Variants in MICU1 observed in about 807,000 individuals in gnomAD.
MICU1 encodes the protein calcium uptake protein 1, mitochondrial.
A neutral mutation model predicts 56.8 loss-of-function variants in MICU1; 45 were observed. The observed-to-expected ratio is 0.79, with a 90% CI of 0.62 to 1.02. The LOEUF (loss-of-function observed/expected upper bound fraction) is 1.02, where lower values mean the gene tolerates loss of function less well. Ranked by LOEUF, MICU1 falls within the 50% of genes least tolerant of loss-of-function variation. MICU1 has a pLI of 0.00. For missense variants in MICU1, 504 were observed against 587.1 expected (o/e 0.86, Z 1.46); for synonymous variants, 186 against 195.1 (o/e 0.95, Z 0.39).
intron 1 of MICU1, among the ~76,000 whole-genome samples, chr10:72,597,559 T>A (rs977029010): frequency 6.6e-6 from 1 of 152,182 alleles, no homozygotes; most frequent in Non-Finnish European, 1.5e-5. Context: ...TAATGAGATA[T>A]CTTAGGAATA....
chr10:72,520,995 T>G (rs774150704), intron 5 of MICU1, among the ~76,000 whole-genome samples: 2 of 152,132 alleles, frequency 1.3e-5, no homozygotes, highest in African/African-American at 4.8e-5. Flanking sequence ...AAGAATTTAA[T>G]TTTGAACTTT....
At chr10:72,496,080 C>A (rs553161552) in intron 6 of MICU1, among the ~76,000 whole-genome samples, 28 of 151,964 alleles carry the variant, frequency 1.8e-4, no homozygotes, top group Non-Finnish European at 3.8e-4. Context: ...GATCCTCCCA[C>A]CTCAGCCTCG....
intron 3 of MICU1, among the ~76,000 whole-genome samples, chr10:72,553,706 TAAG>T (rs1349445555): frequency 6.6e-6 from 1 of 152,150 alleles, no homozygotes; most frequent in African/African-American, 2.4e-5. Context: ...GGTAAAAAAA[TAAG>T]AACTTAAAAA....
intron 10 of MICU1, among the ~76,000 whole-genome samples, chr10:72,381,568 G>T (rs1336708763): frequency 6.6e-6 from 1 of 152,176 alleles, no homozygotes; most frequent in African/African-American, 2.4e-5. Flanking sequence ...TAATGGAAAT[G>T]ATAACAATTC....
At chr10:72,431,879 A>C (rs1864545220) in intron 8 of MICU1, among the ~76,000 whole-genome samples, 1 of 152,144 alleles carries the variant, frequency 6.6e-6, no homozygotes, top group African/African-American at 2.4e-5. Flanking sequence ...CAAACATAAT[A>C]AAAAATCTTT....
chr10:72,608,917 C>T lies in MICU1; in HGVS notation c.-2+17093G>A, dbSNP rs557532127. ...CCTGTTTTCTATCAATGTCATCTGA[C>T]CATGAAGCAGCCCTAGAGTTGCTCT... On this transcript the variant is annotated intron_variant, in intron 1 of 11. Transcript: ENST00000361114. Among the ~76,000 whole-genome samples, 5 of 152,308 alleles carry T rather than the reference C, an allele frequency of 3.3e-5. No homozygotes were observed. In the South Asian group the frequency reaches 1.0e-3, roughly 32 times the overall value.
chr10:72,410,959 C>A (rs1219622150), intron 9 of MICU1, among the ~76,000 whole-genome samples: 1 of 152,128 alleles, frequency 6.6e-6, no homozygotes, highest in Non-Finnish European at 1.5e-5. Flanking sequence ...GTGGAGGCAA[C>A]CCAATAGTCT....
At position 72,470,240 on chromosome 10, in the gene MICU1, C is replaced by T. The variant is rs147911160; in HGVS notation, c.933+4860G>A. On this transcript the variant is annotated intron_variant, in intron 8 of 11. Transcript: ENST00000361114. Reference sequence around the variant, plus strand: ...ATTAGCACTAAAGCCTATACTCTTGCTGCTAGTCACGCTTCCTCAAAGAAG... The same window carrying T: ...ATTAGCACTAAAGCCTATACTCTTGTTGCTAGTCACGCTTCCTCAAAGAAG... Among the ~76,000 whole-genome samples the T allele has an allele frequency of 2.1e-3, 314 of 152,320 alleles. 1 individual carries two copies. The highest frequency in any genetic ancestry group is 7.0e-3 in the African/African-American group (293 of 41,570).
At chr10:72,535,021 T>TTTTATTTTATTTTATTTTATTTTA (rs1839593545) in intron 4 of MICU1, among the ~76,000 whole-genome samples, 4 of 97,056 alleles carry the variant, frequency 4.1e-5, no homozygotes, top group African/African-American at 1.3e-4. Flanking sequence ...TTTTATTTTA[T>TTTTATTTTATTTTATTTTATTTTA]TTTATTTTAT....
chr10:72,463,721 T>A (rs1865705712), intron 8 of MICU1, among the ~76,000 whole-genome samples: 2 of 152,306 alleles, frequency 1.3e-5, no homozygotes, highest in African/African-American at 4.8e-5. Context: ...GAGGTTGCAA[T>A]GCAGTTACTT....
chr10:72,511,162 G>A (rs954703580), intron 5 of MICU1, among the ~76,000 whole-genome samples: 17 of 152,120 alleles, frequency 1.1e-4, no homozygotes, highest in East Asian at 1.9e-4. Flanking sequence ...CACACAGTAC[G>A]TAGGCCTTTT....
chr10:72,521,094 TATCA>T (rs1386750421), intron 5 of MICU1, among the ~76,000 whole-genome samples: 1 of 152,140 alleles, frequency 6.6e-6, no homozygotes, highest in East Asian at 1.9e-4. Context: ...AAAGTTTCTC[TATCA>T]CTTAATGTAA....
At chr10:72,435,910 C>A (rs1269916839) in intron 8 of MICU1, among the ~76,000 whole-genome samples, 1 of 152,282 alleles carries the variant, frequency 6.6e-6, no homozygotes, top group African/African-American at 2.4e-5. Flanking sequence ...GCGAAGCCCA[C>A]CCCAGCTCAA....
intron 10 of MICU1, among the ~76,000 whole-genome samples, chr10:72,393,428 G>A (rs1863145106): frequency 6.6e-6 from 1 of 152,198 alleles, no homozygotes; most frequent in Non-Finnish European, 1.5e-5. Flanking sequence ...GAGATCCCAG[G>A]CAAGAGCGCT....
intron 10 of MICU1, among the ~76,000 whole-genome samples, chr10:72,388,695 C>T (rs1354715641): frequency 6.6e-6 from 1 of 152,136 alleles, no homozygotes; most frequent in African/African-American, 2.4e-5. Flanking sequence ...CCAAAAGCAA[C>T]TGGGAAAAAA....
At chr10:72,454,565 C>T (rs1452777357) in intron 8 of MICU1, among the ~76,000 whole-genome samples, 2 of 151,890 alleles carry the variant, frequency 1.3e-5, no homozygotes, top group African/African-American at 2.4e-5. Flanking sequence ...GGTAGACCAC[C>T]TGAGGTCAGG....
intron 4 of MICU1, among the ~76,000 whole-genome samples, chr10:72,536,777 T>C (rs745591233): frequency 6.6e-6 from 1 of 152,208 alleles, no homozygotes; most frequent in Admixed American, 6.5e-5. Flanking sequence ...ATTAATGAGA[T>C]ATTTTACATT....
Position 72,569,237 on chromosome 10 carries a change from A to ATATTT in MICU1, c.-1-2444_-1-2443insAAATA. Among the ~76,000 whole-genome samples the ATATTT allele has an allele frequency of 7.6e-4, 26 of 34,384 alleles. 2 individuals carry two copies. In the East Asian group the frequency reaches 9.0e-3, roughly 12 times the overall value. 22.6% of individuals were successfully genotyped at this position (34,384 alleles called of 152,430 possible). ...TATATATATATATATATATATATAT[A>ATATTT]TTTTTTTTTTTTTTTGAGATGGCGT... On this transcript the variant is annotated intron_variant, in intron 1 of 11. Transcript: ENST00000361114.
chr10:72,435,809 A>C (rs186484304), intron 8 of MICU1, among the ~76,000 whole-genome samples: 14 of 152,380 alleles, frequency 9.2e-5, no homozygotes, highest in Non-Finnish European at 5.9e-5. Flanking sequence ...TCTGCGATCG[A>C]ACTGCAAGGC....
Sources: gnomAD v4.1 joint callset for allele counts (sites outside exome capture counted in the v4.1 genomes callset) on GRCh38, gnomAD v4.1.1 for gene constraint, MANE v1.5 for transcripts, NCBI Gene and HGNC (gene_info 2026-07-23, HGNC 2026-07-21) for gene names.